TSGA10: variants seen among roughly 807,000 people sequenced by gnomAD.
TSGA10 encodes testis specific 10.
TSGA10 carries 43 observed loss-of-function variants against 96.6 expected under a neutral mutation model. The observed-to-expected ratio is 0.44, with a 90% confidence interval of 0.35 to 0.57. TSGA10 has a LOEUF of 0.57. TSGA10 is among the 20% of genes least tolerant of loss of function. The pLI, the probability that TSGA10 is intolerant of heterozygous loss-of-function variation, is 0.01. For synonymous variants in TSGA10, 229 were observed against 269.9 expected (o/e 0.85, Z 1.48); for missense variants, 703 against 834.4 (o/e 0.84, Z 1.94).
At chr2:99,149,138 C>T (rs534889373) in intron 1 of TSGA10, among the ~76,000 whole-genome samples, 21 of 150,284 alleles carry the variant, frequency 1.4e-4, no homozygotes, top group Admixed American at 5.3e-4. Flanking sequence ...CCACTTCACT[C>T]CAGCCTGGGT....
rs556644313 is a variant in TSGA10 at position 99,074,490 on chromosome 2, T to C, written c.883-1417A>G. On this transcript the variant is annotated intron_variant, in intron 12 of 20. Transcript: ENST00000393483. ...CATCTGGCAGTAATAGATACTGGTGTGTTGTTAAAATATGCATTAAAAAAA... is the reference window on the plus strand; with the variant it reads ...CATCTGGCAGTAATAGATACTGGTGCGTTGTTAAAATATGCATTAAAAAAA... Among the ~76,000 whole-genome samples, 21 of 140,694 alleles carry C rather than the reference T, an allele frequency of 1.5e-4. 1 individual carries two copies. In the East Asian group the frequency reaches 3.8e-3, roughly 25 times the overall value. 92.3% of individuals were successfully genotyped at this position (140,694 alleles called of 152,430 possible). A position where few individuals can be genotyped will look rare whatever the true frequency, so the allele number is the denominator to read the frequency against.
chr2:99,098,290 T>A (rs1050846347), intron 10 of TSGA10, among the ~76,000 whole-genome samples: 4 of 150,916 alleles, frequency 2.7e-5, no homozygotes, highest in Non-Finnish European at 4.4e-5. Context: ...ACAAAAAAAA[T>A]TAGCCAGGCG....
At position 99,078,891 on chromosome 2, in the gene TSGA10, T is replaced by C. The variant is rs2087080851; in HGVS notation, c.728-78A>G. 3 of 1,255,938 alleles carry C rather than the reference T, an allele frequency of 2.4e-6. No individual in the cohort carries two copies. The Admixed American group carries it at 7.8e-5, about 33-fold the overall frequency. 77.8% of individuals were successfully genotyped at this position (1,255,938 alleles called of 1,614,324 possible). A position where few individuals can be genotyped will look rare whatever the true frequency, so the allele number is the denominator to read the frequency against. Reference sequence around the variant, plus strand: ...TATTTCAAGCAGATTATCGTACTTTTTGAACTTCTCCTTACTTCTAATATA... The same window carrying C: ...TATTTCAAGCAGATTATCGTACTTTCTGAACTTCTCCTTACTTCTAATATA... On this transcript the variant is annotated intron_variant, in intron 11 of 20. Coordinates refer to ENST00000393483, the MANE Select transcript of TSGA10 (RefSeq NM_025244.4).
intron 20 of TSGA10, among the ~76,000 whole-genome samples, chr2:99,006,787 A>G (rs1301006794): frequency 6.6e-6 from 1 of 152,244 alleles, no homozygotes; most frequent in East Asian, 1.9e-4. Flanking sequence ...CAGCCATCCC[A>G]TTACTGGGTA....
chr2:99,141,382 C>G (rs1409616323), intron 1 of TSGA10: 2 of 199,546 alleles, frequency 1.0e-5, no homozygotes, highest in Non-Finnish European at 2.1e-5. Flanking sequence ...GGCGCCCCAG[C>G]TTTGCTTCCG....
At chr2:99,099,545 T>G (rs1034465250) in intron 10 of TSGA10, among the ~76,000 whole-genome samples, 1 of 152,098 alleles carries the variant, frequency 6.6e-6, no homozygotes, top group Non-Finnish European at 1.5e-5. Context: ...GGGAGAAAAA[T>G]AATGTGACCA....
chr2:99,026,986 C>A (rs1336854241), intron 17 of TSGA10, among the ~76,000 whole-genome samples: 1 of 152,192 alleles, frequency 6.6e-6, no homozygotes, highest in African/African-American at 2.4e-5. Context: ...TAGATTCTCA[C>A]AAGGAGTGTG....
At chr2:99,140,886 G>C (rs986442458) in intron 1 of TSGA10, among the ~76,000 whole-genome samples, 1 of 152,080 alleles carries the variant, frequency 6.6e-6, no homozygotes, top group African/African-American at 2.4e-5. Flanking sequence ...AAGAAACAGG[G>C]GCAACTCGTG....
intron 16 of TSGA10, among the ~76,000 whole-genome samples, chr2:99,061,153 A>G (rs951627252): frequency 3.3e-5 from 5 of 152,214 alleles, no homozygotes; most frequent in African/African-American, 7.2e-5. Context: ...TCCAAAATCT[A>G]AAGTGTTCAA....
rs548462490 is a variant in TSGA10, at chr2:99,113,039, T to C, written c.-139-2124A>G. ...TAAAAATATAAATTATAGGAAGAAA[T>C]AATGGTAAAATTTTAATTCTGCTTC... is the stretch of plus-strand genomic sequence containing the variant. On this transcript the variant is annotated intron_variant, in intron 4 of 20. Coordinates refer to ENST00000393483, the MANE Select transcript of TSGA10 (RefSeq NM_025244.4). Among the ~76,000 whole-genome samples the C allele has an allele frequency of 2.0e-5, 3 of 151,274 alleles. No homozygotes were observed. The East Asian group carries it at 5.9e-4, about 30-fold the overall frequency.
rs146177676 is a variant in TSGA10 at position 99,150,562 on chromosome 2, G to A, written c.-621+4131C>T. ...TCACATTTGTTCAGCTATCCTAATG[G>A]GATTTTCACTTAGTAAATCTGCTAC... On this transcript the variant is annotated intron_variant, in intron 1 of 20. Transcript: ENST00000393483. 5.0e-6 allele frequency: 8 copies of A among 1,612,694 alleles called. No individual in the cohort carries two copies. The highest frequency in any genetic ancestry group is 1.3e-5 in the African/African-American group (1 of 74,716).
chr2:99,088,639 T>C (rs1306331145), intron 10 of TSGA10, among the ~76,000 whole-genome samples: 3 of 152,198 alleles, frequency 2.0e-5, no homozygotes, highest in African/African-American at 7.2e-5. Context: ...TCATTCCTTA[T>C]GAAATTAAAT....
At chr2:99,069,437 C>T (rs1194434577) in intron 14 of TSGA10, among the ~76,000 whole-genome samples, 1 of 151,842 alleles carries the variant, frequency 6.6e-6, no homozygotes, top group African/African-American at 2.4e-5. Flanking sequence ...ACAAGAAAGA[C>T]AAAAATGTTG....
intron 20 of TSGA10, among the ~76,000 whole-genome samples, chr2:99,014,250 G>A (rs1231939591): frequency 6.6e-6 from 1 of 152,150 alleles, no homozygotes; most frequent in African/African-American, 2.4e-5. Context: ...CAGGAGAACT[G>A]CTTGAACCTG....
chr2:99,128,070 T>TA (rs938630286), intron 1 of TSGA10, among the ~76,000 whole-genome samples: 9 of 152,200 alleles, frequency 5.9e-5, no homozygotes, highest in Non-Finnish European at 1.3e-4. Flanking sequence ...ACCATTGTGT[T>TA]AAAAAAGAAT....
intron 1 of TSGA10, chr2:99,150,481 A>C: frequency 7.1e-7 from 1 of 1,417,200 alleles, no homozygotes; most frequent in South Asian, 1.4e-5. Context: ...TTTTTTTTTC[A>C]GTAATCAAGT....
chr2:99,119,482 AC>A (rs774713910), intron 2 of TSGA10, among the ~76,000 whole-genome samples: 2 of 152,186 alleles, frequency 1.3e-5, no homozygotes, highest in Non-Finnish European at 2.9e-5. Flanking sequence ...ACTATAAAAA[AC>A]AATCTCATTA....
At chr2:99,108,605 CAT>C (rs1015845353) in intron 7 of TSGA10, among the ~76,000 whole-genome samples, 6 of 152,026 alleles carry the variant, frequency 3.9e-5, no homozygotes, top group African/African-American at 1.2e-4. Context: ...TATTTTTATA[CAT>C]GTGTATGATT....
rs887622760 is a variant in TSGA10, at chr2:98,997,383, G to T, written c.*814C>A. ...ACATCAAAGCCTATGGATAGATAAG[G>T]TAAGAGATTTAGGAAATTGGGGGAG... is the stretch of plus-strand genomic sequence containing the variant. On this transcript the variant is annotated 3_prime_UTR_variant, in exon 21 of 21. Transcript: ENST00000393483. 2.0e-5 allele frequency: 3 copies of T among 151,988 alleles called. No individual in the cohort carries two copies. Among genetic ancestry groups the T allele is most frequent in the Admixed American group, 6.6e-5 (1 of 15,260 alleles). 9.4% of individuals were successfully genotyped at this position (151,988 alleles called of 1,614,324 possible).
Sources: allele counts gnomAD v4.1 joint callset (sites outside exome capture counted in the v4.1 genomes callset), GRCh38; gene constraint gnomAD v4.1.1; transcripts MANE v1.5; gene names NCBI Gene and HGNC (gene_info 2026-07-23, HGNC 2026-07-21).